The following PKD1L1 variants were observed in gnomAD, a reference collection of about 807,000 sequenced individuals.
The protein encoded by PKD1L1 is polycystin 1 like 1, transient receptor potential channel interacting.
A neutral mutation model predicts 323.4 loss-of-function variants in PKD1L1; 236 were observed. That is an observed-to-expected ratio of 0.73 (90% confidence interval 0.66 to 0.81). PKD1L1 has a LOEUF of 0.81. PKD1L1 is among the 40% of genes least tolerant of loss of function. The probability of loss-of-function intolerance (pLI) is 0.00; values close to 1 mark genes in which losing one functional copy is unlikely to be tolerated. For missense variants in PKD1L1, 3,320 were observed against 3,508.0 expected (o/e 0.95, Z 1.35); for synonymous variants, 1,344 against 1,335.0 (o/e 1.01, Z -0.15).
At chr7:47,790,347 T>TTTTTTTTTTTTA (rs1786912629) in intron 56 of PKD1L1, among the ~76,000 whole-genome samples, 1 of 124,410 alleles carries the variant, frequency 8.0e-6, no homozygotes, top group African/African-American at 2.9e-5. Context: ...TTTTTTTTTT[T>TTTTTTTTTTTTA]GAGATGGAGT....
intron 7 of PKD1L1, among the ~76,000 whole-genome samples, chr7:47,917,660 G>A (rs764955936): frequency 7.6e-4 from 116 of 152,146 alleles, no homozygotes; most frequent in South Asian, 4.1e-4. Context: ...AAGCCGGAAG[G>A]GTTTGGTCAG....
intron 1 of PKD1L1, among the ~76,000 whole-genome samples, chr7:47,944,983 C>T (rs370834954): frequency 1.3e-5 from 2 of 152,168 alleles, no homozygotes; most frequent in Non-Finnish European, 1.5e-5. Flanking sequence ...CAATGGGAAC[C>T]GTTGCCAAGT....
At chr7:47,786,637 T>C (rs1786813856) in intron 56 of PKD1L1, among the ~76,000 whole-genome samples, 1 of 152,208 alleles carries the variant, frequency 6.6e-6, no homozygotes, top group African/African-American at 2.4e-5. Context: ...GCAATGGTAT[T>C]CACAAAAGCA....
At chr7:47,903,103 C>T (rs578125277) in intron 12 of PKD1L1, among the ~76,000 whole-genome samples, 1 of 152,280 alleles carries the variant, frequency 6.6e-6, no homozygotes, top group South Asian at 2.1e-4. Flanking sequence ...CCTGACCCAG[C>T]AGGTAGTGCT....
chr7:47,794,472 A>C (rs1483725703), intron 55 of PKD1L1, among the ~76,000 whole-genome samples: 7 of 152,338 alleles, frequency 4.6e-5, no homozygotes, highest in African/African-American at 1.4e-4. Context: ...ATGGGTGCAC[A>C]GAAGTCAAGA....
chr7:47,819,627 A>T, intron 46 of PKD1L1: 1 of 1,232,792 alleles, frequency 8.1e-7, no homozygotes, highest in Non-Finnish European at 1.1e-6. Context: ...TAATTTCACT[A>T]TTACAATGCT....
Position 47,856,471 on chromosome 7 carries a change from T to C in PKD1L1, c.4590+1134A>G, listed in dbSNP as rs140642319. Among the ~76,000 whole-genome samples the C allele has an allele frequency of 1.6e-3, 247 of 152,364 alleles. 3 individuals carry two copies. The highest frequency in any genetic ancestry group is 5.8e-3 in the African/African-American group (243 of 41,578). On this transcript the variant is annotated intron_variant, in intron 28 of 56. Coordinates refer to ENST00000289672, the MANE Select transcript of PKD1L1 (RefSeq NM_138295.5). ...CATTTCTATTTGAGTTATAATAATA[T>C]TGTTTTGAGCAAATAAATACGACAA...
intron 28 of PKD1L1, among the ~76,000 whole-genome samples, chr7:47,856,120 C>A (rs535141147): frequency 1.6e-4 from 25 of 152,084 alleles, no homozygotes; most frequent in African/African-American, 5.5e-4. Flanking sequence ...TCACTGCAAC[C>A]TCTGCCTCCC....
intron 51 of PKD1L1, among the ~76,000 whole-genome samples, chr7:47,808,751 T>C (rs1371744947): frequency 6.6e-6 from 1 of 152,174 alleles, no homozygotes; most frequent in Non-Finnish European, 1.5e-5. Flanking sequence ...AGGTAAAAAA[T>C]GATCCACCTG....
At chr7:47,815,289 GC>G in intron 47 of PKD1L1, 44 bp downstream of exon 47, 1 of 1,599,180 alleles carries the variant, frequency 6.3e-7, no homozygotes, top group South Asian at 1.1e-5. Flanking sequence ...CTGCAAGATA[GC>G]TTTTCTGAGA....
intron 2 of PKD1L1, among the ~76,000 whole-genome samples, chr7:47,942,260 G>T (rs1788002827): frequency 6.6e-6 from 1 of 152,098 alleles, no homozygotes. Flanking sequence ...TTTCTTCCCT[G>T]GCAATCCTCG....
At chr7:47,943,336 C>A in intron 2 of PKD1L1, 60 bp downstream of exon 2, 1 of 1,346,248 alleles carries the variant, frequency 7.4e-7, no homozygotes, top group Non-Finnish European at 1.1e-6. Flanking sequence ...CCTGTTTATA[C>A]CAGGGAAATA....
intron 55 of PKD1L1, among the ~76,000 whole-genome samples, chr7:47,794,447 T>C (rs992217137): frequency 2.6e-5 from 4 of 152,160 alleles, no homozygotes; most frequent in Non-Finnish European, 4.4e-5. Context: ...GCAGCTTCCA[T>C]GTGGTATTGA....
intron 26 of PKD1L1, among the ~76,000 whole-genome samples, chr7:47,864,608 C>CTTTCTTTCTT (rs1554404318): frequency 1.5e-5 from 2 of 133,960 alleles, no homozygotes; most frequent in East Asian, 4.2e-4. Flanking sequence ...TTCTTTCTTT[C>CTTTCTTTCTT]TTTCTTTCTT....
chr7:47,942,524 T>C (rs1250649365), intron 2 of PKD1L1, among the ~76,000 whole-genome samples: 1 of 151,712 alleles, frequency 6.6e-6, no homozygotes, highest in Admixed American at 6.6e-5. Context: ...AATCCGTTTC[T>C]CAGGTCTACC....
the PKD1L1 span, among the ~76,000 whole-genome samples, chr7:47,957,740 C>A: frequency 6.6e-6 from 1 of 150,890 alleles, no homozygotes; most frequent in East Asian, 1.9e-4. Flanking sequence ...AAGCAACTCA[C>A]CTGCCTTGGC....
the PKD1L1 span, among the ~76,000 whole-genome samples, chr7:47,957,871 A>ATATATATATATATATATG: frequency 6.8e-6 from 1 of 148,040 alleles, no homozygotes; most frequent in Admixed American, 6.8e-5. Context: ...AAATATATAT[A>ATATATATATATATATATG]TATATATCTA....
chr7:47,909,335 G>C (rs1787271160), intron 8 of PKD1L1, among the ~76,000 whole-genome samples: 1 of 152,088 alleles, frequency 6.6e-6, no homozygotes, highest in African/African-American at 2.4e-5. Flanking sequence ...GACTCCACCA[G>C]GCCCACAACT....
intron 3 of PKD1L1, among the ~76,000 whole-genome samples, chr7:47,939,576 G>A (rs1223189961): frequency 6.6e-6 from 1 of 152,174 alleles, no homozygotes; most frequent in African/African-American, 2.4e-5. Context: ...CATTGCCCAG[G>A]CCTTCAGACC....
Sources: allele counts gnomAD v4.1 joint callset (sites outside exome capture counted in the v4.1 genomes callset), GRCh38; gene constraint gnomAD v4.1.1; transcripts MANE v1.5; gene names NCBI Gene and HGNC (gene_info 2026-07-23, HGNC 2026-07-21).